The following ADCK1 variants were observed in gnomAD, a reference collection of about 807,000 sequenced individuals.
ADCK1 encodes the protein aarF domain containing kinase 1, also known as aarF domain-containing protein kinase 1.
A neutral mutation model predicts 52.3 loss-of-function variants in ADCK1; 41 were observed. The ratio of observed to expected loss-of-function variants is 0.78; its 90% CI spans 0.61 to 1.02. ADCK1 has a LOEUF of 1.02. Ranked by LOEUF, ADCK1 falls within the 50% of genes least tolerant of loss-of-function variation. The probability of loss-of-function intolerance (pLI) is 0.00; values close to 1 mark genes in which losing one functional copy is unlikely to be tolerated. For missense variants in ADCK1, 658 were observed against 679.5 expected, an observed-to-expected ratio of 0.97 and a Z score of 0.35; for synonymous variants, 250 against 274.6, an observed-to-expected ratio of 0.91 and a Z score of 0.89.
intron 4 of ADCK1, among the ~76,000 whole-genome samples, chr14:77,868,952 TGGGAAGTTCAG>T (rs2082719080): frequency 6.6e-6 from 1 of 152,000 alleles, no homozygotes; most frequent in Non-Finnish European, 1.5e-5. Flanking sequence ...GGCTGATGGT[TGGGAAGTTCAG>T]GGGAAGTTCA....
chr14:77,915,129 A>G (rs1373914118), intron 7 of ADCK1, among the ~76,000 whole-genome samples: 1 of 152,076 alleles, frequency 6.6e-6, no homozygotes, highest in Non-Finnish European at 1.5e-5. Flanking sequence ...CAAAATCACC[A>G]GAAGAAAACA....
At position 77,934,964 on chromosome 14, in the gene ADCK1, A is replaced by G. The variant is rs1264500869; in HGVS notation, c.*1573A>G. 1 of 152,204 alleles carries G rather than the reference A, an allele frequency of 6.6e-6. No individual in the cohort carries two copies. Among genetic ancestry groups the G allele is most frequent in the Non-Finnish European group, 1.5e-5 (1 of 68,032 alleles). 9.4% of individuals were successfully genotyped at this position (152,204 alleles called of 1,614,324 possible). A position where few individuals can be genotyped will look rare whatever the true frequency, so the allele number is the denominator to read the frequency against. On this transcript the variant is annotated 3_prime_UTR_variant, in exon 11 of 11. Coordinates refer to ENST00000238561, the MANE Select transcript of ADCK1 (RefSeq NM_020421.4). ...GGATGTGTGCTGCATAGTATATTTT[A>G]TGGTGTCTTTTATAGCCACTGAAGT...
chr14:77,814,586 C>G (rs2081403075), intron 1 of ADCK1, among the ~76,000 whole-genome samples: 1 of 149,948 alleles, frequency 6.7e-6, no homozygotes, highest in African/African-American at 2.4e-5. Flanking sequence ...AAAATTAGCC[C>G]ACTCCGGAGG....
intron 7 of ADCK1, among the ~76,000 whole-genome samples, chr14:77,922,552 G>C (rs1310130522): frequency 6.6e-6 from 1 of 152,192 alleles, no homozygotes; most frequent in Non-Finnish European, 1.5e-5. Flanking sequence ...ACCCCTGAGA[G>C]TGGGACTATT....
At chr14:77,806,038 C>T (rs920613475) in intron 1 of ADCK1, among the ~76,000 whole-genome samples, 11 of 126,658 alleles carry the variant, frequency 8.7e-5, no homozygotes, top group Non-Finnish European at 1.4e-4. Flanking sequence ...TTGCTGGGTG[C>T]GGTGGCTCAC....
intron 5 of ADCK1, among the ~76,000 whole-genome samples, chr14:77,896,921 A>T (rs2083422948): frequency 6.6e-6 from 1 of 152,232 alleles, no homozygotes; most frequent in African/African-American, 2.4e-5. Flanking sequence ...GGCGTCTGGT[A>T]CATCACCCAG....
chr14:77,809,505 T>G (rs1327527648), intron 1 of ADCK1, among the ~76,000 whole-genome samples: 1 of 151,848 alleles, frequency 6.6e-6, no homozygotes, highest in Non-Finnish European at 1.5e-5. Context: ...AATTTTTGCA[T>G]TTTTAGTAGA....
At chr14:77,931,436 T>A in intron 9 of ADCK1, 82 bp from the exon 10 acceptor site, 1 of 1,441,480 alleles carries the variant, frequency 6.9e-7, no homozygotes, top group Non-Finnish European at 9.5e-7. Context: ...AGCCCTCTGG[T>A]CACAGCCTGC....
At chr14:77,887,835 G>T (rs1318458771) in intron 5 of ADCK1, among the ~76,000 whole-genome samples, 1 of 152,204 alleles carries the variant, frequency 6.6e-6, no homozygotes, top group African/African-American at 2.4e-5. Context: ...GCCACTGCTT[G>T]AGTCAGTAGC....
rs180822831 is a variant in ADCK1, at chr14:77,826,131, C to G, written c.219+3613C>G. Among the ~76,000 whole-genome samples, 3 of 152,302 alleles carry G rather than the reference C, an allele frequency of 2.0e-5. No homozygotes were observed. In the East Asian group the frequency reaches 5.8e-4, roughly 29 times the overall value. Reference sequence around the variant, plus strand: ...AGCCTGGCATTTGACAAGAGAACAGCACGTGGCGGCTGGCACCAGATAACA... The same window carrying G: ...AGCCTGGCATTTGACAAGAGAACAGGACGTGGCGGCTGGCACCAGATAACA... On this transcript the variant is annotated intron_variant, in intron 3 of 10. Transcript: ENST00000238561.
intron 3 of ADCK1, among the ~76,000 whole-genome samples, chr14:77,831,089 A>G (rs770114166): frequency 1.2e-4 from 19 of 152,076 alleles, no homozygotes; most frequent in Admixed American, 2.6e-4. Context: ...TTCACCCCTG[A>G]ATTTGAGAGG....
chr14:77,878,693 C>A (rs753657976), intron 4 of ADCK1, among the ~76,000 whole-genome samples: 1 of 152,228 alleles, frequency 6.6e-6, no homozygotes, highest in African/African-American at 2.4e-5. Flanking sequence ...TCATACTGTA[C>A]TGTGTCCAGG....
intron 4 of ADCK1, among the ~76,000 whole-genome samples, chr14:77,860,143 A>G (rs1248615189): frequency 6.6e-6 from 1 of 152,174 alleles, no homozygotes; most frequent in African/African-American, 2.4e-5. Flanking sequence ...GACCGATCTT[A>G]TCCCTCCTTT....
intron 6 of ADCK1, among the ~76,000 whole-genome samples, chr14:77,901,707 A>G (rs1275605181): frequency 6.6e-6 from 1 of 152,154 alleles, no homozygotes; most frequent in Non-Finnish European, 1.5e-5. Flanking sequence ...GTCTTTAAGG[A>G]CCATCCTGGT....
At chr14:77,868,371 T>C (rs2082706148) in intron 4 of ADCK1, among the ~76,000 whole-genome samples, 1 of 152,184 alleles carries the variant, frequency 6.6e-6, no homozygotes, top group Non-Finnish European at 1.5e-5. Flanking sequence ...AGGGCAGCAC[T>C]CAATCGAGCA....
At chr14:77,932,249 G>C (rs541868644) in intron 10 of ADCK1, among the ~76,000 whole-genome samples, 1 of 151,934 alleles carries the variant, frequency 6.6e-6, no homozygotes, top group South Asian at 2.1e-4. Flanking sequence ...GGGTTTCACC[G>C]TGTTGGCCAG....
At chr14:77,894,733 C>CTTTTTTTTTTTTTTTT (rs1566710773) in intron 5 of ADCK1, among the ~76,000 whole-genome samples, 2 of 38,402 alleles carry the variant, frequency 5.2e-5, no homozygotes, top group African/African-American at 7.6e-5. Context: ...CTTTTCTTTT[C>CTTTTTTTTTTTTTTTT]TTGTTTTTTT....
intron 3 of ADCK1, among the ~76,000 whole-genome samples, chr14:77,857,884 C>G (rs1314752921): frequency 6.6e-6 from 1 of 152,158 alleles, no homozygotes; most frequent in Non-Finnish European, 1.5e-5. Context: ...GTACTGGGGT[C>G]CCTTGTCTTC....
At chr14:77,818,817 T>C (rs987053853) in intron 1 of ADCK1, among the ~76,000 whole-genome samples, 151 bp from the exon 2 acceptor site, 1 of 152,214 alleles carries the variant, frequency 6.6e-6, no homozygotes, top group Non-Finnish European at 1.5e-5. Flanking sequence ...GTAGGTATTA[T>C]CCTGTTTTAC....
Sources: gnomAD v4.1 joint callset for allele counts (sites outside exome capture counted in the v4.1 genomes callset) on GRCh38, gnomAD v4.1.1 for gene constraint, MANE v1.5 for transcripts, NCBI Gene and HGNC (gene_info 2026-07-23, HGNC 2026-07-21) for gene names.